Variants in CAMK4 observed in about 807,000 individuals in gnomAD.
CAMK4 encodes the protein calcium/calmodulin dependent protein kinase IV, also known as calcium/calmodulin-dependent protein kinase type IV.
Under a neutral mutation model 44.9 loss-of-function variants are expected in CAMK4, and 22 were observed. The ratio of observed to expected loss-of-function variants is 0.49; its 90% confidence interval spans 0.35 to 0.70. The LOEUF (loss-of-function observed/expected upper bound fraction) is 0.70, where lower values mean the gene tolerates loss of function less well. Ranked by LOEUF, CAMK4 falls within the 30% of genes least tolerant of loss-of-function variation. CAMK4 has a pLI of 0.01. For missense variants in CAMK4, 498 were observed against 586.8 expected, an observed-to-expected ratio of 0.85 and a Z score of 1.56; for synonymous variants, 218 against 215.4, an observed-to-expected ratio of 1.01 and a Z score of -0.11.
rs1455957025 is a variant in CAMK4, at chr5:111,494,391, T to C, written c.*9925T>C. ...ATATTACAATATTTTTAGGTAAATG[T>C]ATTAAGTCTGGCCTGGGCATAAATG... is the stretch of plus-strand genomic sequence containing the variant. On this transcript the variant is annotated 3_prime_UTR_variant, in exon 11 of 11. Coordinates refer to ENST00000282356, the MANE Select transcript of CAMK4 (RefSeq NM_001744.6). The C allele has an allele frequency of 6.6e-6, 1 of 152,178 alleles. No homozygotes were observed. The highest frequency in any genetic ancestry group is 1.5e-5 in the Non-Finnish European group (1 of 68,030). The allele number at this position is 152,178 out of a possible 1,614,324, so 9.4% of individuals were successfully genotyped here.
At chr5:111,276,513 AG>A (rs750009274) in intron 1 of CAMK4, among the ~76,000 whole-genome samples, 6 of 152,202 alleles carry the variant, frequency 3.9e-5, no homozygotes, top group Non-Finnish European at 7.3e-5. Context: ...GGATCATTTG[AG>A]CCCAGGAGTT....
chr5:111,329,855 C>G (rs985931601), intron 1 of CAMK4, among the ~76,000 whole-genome samples: 1 of 151,618 alleles, frequency 6.6e-6, no homozygotes, highest in African/African-American at 2.4e-5. Context: ...ATTTGACAAA[C>G]CACATCTATG....
chr5:111,467,446 A>G (rs112480505), intron 7 of CAMK4, among the ~76,000 whole-genome samples: 1,736 of 151,776 alleles, frequency 0.011, 32 homozygotes, highest in African/African-American at 0.039. Flanking sequence ...TTCACAATCT[A>G]TACATCTGAC....
At chr5:111,354,105 G>C (rs1429003622) in intron 2 of CAMK4, among the ~76,000 whole-genome samples, 2 of 152,058 alleles carry the variant, frequency 1.3e-5, no homozygotes, top group Non-Finnish European at 1.5e-5. Flanking sequence ...ATAACCTTAA[G>C]AAGGAAAAAA....
intron 1 of CAMK4, 39 bp from the exon 2 acceptor site, chr5:111,343,984 CA>C: frequency 8.3e-7 from 1 of 1,208,786 alleles, no homozygotes; most frequent in African/African-American, 1.5e-5. Flanking sequence ...AATTCATGTC[CA>C]AAGCATAACA....
chr5:111,439,347 C>A (rs1753749322), intron 5 of CAMK4, among the ~76,000 whole-genome samples: 1 of 152,114 alleles, frequency 6.6e-6, no homozygotes, highest in Non-Finnish European at 1.5e-5. Context: ...AGAGGGAAAG[C>A]ATGCTAGTGG....
chr5:111,228,761 CAG>C, intron 1 of CAMK4, among the ~76,000 whole-genome samples: 1 of 152,250 alleles, frequency 6.6e-6, no homozygotes, highest in East Asian at 1.9e-4. Context: ...AGCTATGAGG[CAG>C]AGTCTTTTAA....
chr5:111,435,607 G>A (rs1213024287), intron 5 of CAMK4, among the ~76,000 whole-genome samples: 1 of 152,148 alleles, frequency 6.6e-6, no homozygotes. Flanking sequence ...GCCAGAGTGT[G>A]CAGACTCAGG....
intron 1 of CAMK4, among the ~76,000 whole-genome samples, chr5:111,229,323 A>G (rs183058953): frequency 2.6e-5 from 4 of 152,282 alleles, no homozygotes; most frequent in African/African-American, 7.2e-5. Flanking sequence ...AGGAAGAGAG[A>G]AAGAGAGGGG....
At chr5:111,329,350 T>G (rs1282926804) in intron 1 of CAMK4, among the ~76,000 whole-genome samples, 1 of 151,840 alleles carries the variant, frequency 6.6e-6, no homozygotes, top group Admixed American at 6.6e-5. Flanking sequence ...CCACTCCTAT[T>G]CAACATGGTG....
intron 1 of CAMK4, among the ~76,000 whole-genome samples, chr5:111,329,461 T>A (rs188806770): frequency 5.3e-5 from 8 of 152,028 alleles, no homozygotes; most frequent in African/African-American, 9.6e-5. Context: ...GATGACAAAA[T>A]CTTCCACCTT....
chr5:111,300,545 T>C (rs1747678042), intron 1 of CAMK4, among the ~76,000 whole-genome samples: 1 of 152,230 alleles, frequency 6.6e-6, no homozygotes, highest in Non-Finnish European at 1.5e-5. Flanking sequence ...TTCTCCTTTT[T>C]TGTTAAAATG....
intron 7 of CAMK4, among the ~76,000 whole-genome samples, chr5:111,458,448 A>G (rs1486456655): frequency 6.6e-6 from 1 of 152,214 alleles, no homozygotes; most frequent in African/African-American, 2.4e-5. Context: ...TAAAACAATC[A>G]GGTTTTTTGT....
At chr5:111,273,896 G>T (rs1561378258) in intron 1 of CAMK4, among the ~76,000 whole-genome samples, 1 of 151,310 alleles carries the variant, frequency 6.6e-6, no homozygotes, top group African/African-American at 2.4e-5. Context: ...TAGTCTGTGT[G>T]TCCTGCAGGC....
chr5:111,246,138 G>A (rs529482122), intron 1 of CAMK4, among the ~76,000 whole-genome samples: 5 of 152,194 alleles, frequency 3.3e-5, no homozygotes, highest in South Asian at 2.1e-4. Flanking sequence ...TCGAATTCTC[G>A]AGATGTTTAA....
Position 111,482,803 on chromosome 5 carries a change from T to G in CAMK4, c.847T>G (p.Leu283Val). 6.2e-7 allele frequency: 1 copy of G among 1,607,832 alleles called. No homozygotes were observed. The highest frequency in any genetic ancestry group is 1.7e-5 in the Admixed American group (1 of 58,338). Reference protein sequence around the residue: ...AKDLVRKLIVLDPKKRLTTFQ... With the variant: ...AKDLVRKLIVVDPKKRLTTFQ... ...ATTTCAGGTCAGAAAATTAATTGTT[T>G]TGGATCCAAAGAAACGGCTGACTAC... Residue 283 changes from leucine (L) to valine (V), a missense_variant, in exon 10 of 11, where the codon TTG becomes GTG. Leu to Val is a conservative substitution (Grantham distance 32, BLOSUM62 1). This residue lies in a region of CAMK4 where 203 missense variants were observed against 298.2 expected (regional missense o/e 0.68). Transcript: ENST00000282356. This position sits in a 1 kb window ranked among gnomAD's most constrained non-coding sequence, Gnocchi z 4.9.
intron 1 of CAMK4, among the ~76,000 whole-genome samples, chr5:111,334,944 C>T (rs1187774003): frequency 6.6e-6 from 1 of 151,146 alleles, no homozygotes; most frequent in Non-Finnish European, 1.5e-5. Flanking sequence ...AGATACCTCC[C>T]ATTTAAAAAA....
At chr5:111,253,740 G>A (rs1411547097) in intron 1 of CAMK4, among the ~76,000 whole-genome samples, 1 of 151,964 alleles carries the variant, frequency 6.6e-6, no homozygotes, top group African/African-American at 2.4e-5. Flanking sequence ...TTATATACAG[G>A]CTTTTCTTTC....
At chr5:111,308,779 C>G (rs961028181) in intron 1 of CAMK4, among the ~76,000 whole-genome samples, 1 of 152,096 alleles carries the variant, frequency 6.6e-6, no homozygotes. Flanking sequence ...AAAGTGCCTT[C>G]TGTAATCTTA....
Sources: gnomAD v4.1 joint callset for allele counts (sites outside exome capture counted in the v4.1 genomes callset) on GRCh38, gnomAD v4.1.1 for gene constraint, gnomAD v4.1.1 regional missense constraint, Gnocchi (gnomAD v3.1) non-coding constraint, MANE v1.5 for transcripts, NCBI Gene and HGNC (gene_info 2026-07-23, HGNC 2026-07-21) for gene names.